Variants in AKR1B15 observed in about 807,000 individuals in gnomAD.
AKR1B15 encodes estradiol 17-beta-dehydrogenase AKR1B15.
A neutral mutation model predicts 38.5 loss-of-function variants in AKR1B15; 49 were observed. The ratio of observed to expected loss-of-function variants is 1.27; its 90% CI spans 1.01 to 1.62. The LOEUF (loss-of-function observed/expected upper bound fraction) is 1.62. Among genes scored for constraint, AKR1B15 ranks in the 40% most tolerant of loss-of-function variants. AKR1B15 has a pLI of 0.00. For missense variants in AKR1B15, 411 were observed against 381.6 expected (o/e 1.08, Z -0.64); for synonymous variants, 137 against 135.5 (o/e 1.01, Z -0.08).
At chr7:134,568,439 C>T (rs1335916622) in intron 4 of AKR1B15, 114 bp downstream of exon 4, 1 of 1,438,360 alleles carries the variant, frequency 7.0e-7, no homozygotes. Context: ...GTTTTCATCT[C>T]TGCCTTGATA....
chr7:134,577,013 TATGAC>T lies in AKR1B15; in HGVS notation c.878_882del (p.Met293ThrfsTer6). 2 of 1,613,964 alleles carry T rather than the reference TATGAC, an allele frequency of 1.2e-6. No homozygotes were observed. Among genetic ancestry groups the T allele is most frequent in the Non-Finnish European group, 1.7e-6 (2 of 1,179,846 alleles). ...GGAATGTGACAGTGATCCCCAAGTCTATGACACCAGCACACATTGTTGAGAACATT... is the reference window on the plus strand; with the variant it reads ...GGAATGTGACAGTGATCCCCAAGTCTACCAGCACACATTGTTGAGAACATT... On this transcript the variant is annotated frameshift_variant, in exon 10 of 12. Transcript: ENST00000457545. LOFTEE classifies it high-confidence loss of function.
At chr7:134,555,826 T>G (rs1794174129) in intron 1 of AKR1B15, among the ~76,000 whole-genome samples, 1 of 152,140 alleles carries the variant, frequency 6.6e-6, no homozygotes, top group Non-Finnish European at 1.5e-5. Context: ...GAGCGTTGAC[T>G]TTTACCTTTG....
chr7:134,562,868 TTCTTTC>T (rs1262738174), intron 2 of AKR1B15, among the ~76,000 whole-genome samples: 2 of 146,364 alleles, frequency 1.4e-5, no homozygotes, highest in Non-Finnish European at 3.0e-5. Context: ...CTTTCTTTCT[TTCTTTC>T]TTTCTTTCTT....
intron 1 of AKR1B15, among the ~76,000 whole-genome samples, chr7:134,552,846 A>T (rs972212062): frequency 6.6e-6 from 1 of 152,034 alleles, no homozygotes; most frequent in Admixed American, 6.5e-5. Context: ...GTTACCCCGA[A>T]GTTTTAAAAA....
intron 2 of AKR1B15, among the ~76,000 whole-genome samples, chr7:134,562,840 TTCTTTC>T (rs1794439665): frequency 2.1e-5 from 1 of 47,588 alleles, no homozygotes; most frequent in Non-Finnish European, 4.7e-5. Context: ...TTCTCTTTCT[TTCTTTC>T]TTTCTTTCTT....
chr7:134,579,366 A>G (rs1585819484), intron 11 of AKR1B15, 141 bp from the exon 12 acceptor site: 4 of 663,112 alleles, frequency 6.0e-6, no homozygotes, highest in Non-Finnish European at 9.8e-6. Context: ...GTCAAGGTGT[A>G]AGCACCCTTC....
chr7:134,564,959 C>T, intron 3 of AKR1B15, 190 bp downstream of exon 3: 1 of 407,444 alleles, frequency 2.5e-6, no homozygotes, highest in South Asian at 5.0e-5. Flanking sequence ...ATTGTAAATG[C>T]ACCAATCAGC....
intron 2 of AKR1B15, among the ~76,000 whole-genome samples, chr7:134,561,194 A>T (rs1369537398): frequency 6.6e-6 from 1 of 152,172 alleles, no homozygotes; most frequent in Non-Finnish European, 1.5e-5. Flanking sequence ...TGTGACCACC[A>T]GATTATGAGG....
intron 1 of AKR1B15, among the ~76,000 whole-genome samples, chr7:134,556,093 G>A (rs978997035): frequency 7.9e-5 from 12 of 152,188 alleles, no homozygotes; most frequent in Admixed American, 6.5e-4. Context: ...AGGATTTGAT[G>A]TTGGAACTAT....
intron 1 of AKR1B15, among the ~76,000 whole-genome samples, chr7:134,555,242 G>T (rs1794151872): frequency 6.6e-6 from 1 of 152,104 alleles, no homozygotes; most frequent in African/African-American, 2.4e-5. Flanking sequence ...CCCAGTTCCT[G>T]ACCAGACTGG....
chr7:134,561,913 C>T (rs1227397871), intron 2 of AKR1B15, among the ~76,000 whole-genome samples: 5 of 152,222 alleles, frequency 3.3e-5, no homozygotes, highest in African/African-American at 1.2e-4. Flanking sequence ...CACCTCTCCT[C>T]CCTAGACTCC....
rs1277892506 is a variant in AKR1B15, at chr7:134,556,859, G to A, written c.-23G>A. 1 of 152,134 alleles carries A rather than the reference G, an allele frequency of 6.6e-6. No homozygotes were observed. Among genetic ancestry groups the A allele is most frequent in the Non-Finnish European group, 1.5e-5 (1 of 68,044 alleles). The allele number at this position is 152,134 out of a possible 1,614,324, so 9.4% of individuals were successfully genotyped here. On this transcript the variant is annotated splice_region_variant and 5_prime_UTR_variant, in exon 2 of 12. Coordinates refer to ENST00000457545, the MANE Select transcript of AKR1B15 (RefSeq NM_001080538.3). ...CTGGACTAATATCACTATCTCAACA[G>A]GTAGATGCTGATTTAAGCAATCTCC...
intron 1 of AKR1B15, among the ~76,000 whole-genome samples, chr7:134,553,649 G>C (rs1322661667): frequency 6.6e-6 from 1 of 152,204 alleles, no homozygotes; most frequent in East Asian, 1.9e-4. Context: ...CTCGCATCTT[G>C]CGGTATCAGA....
Position 134,567,226 on chromosome 7 carries a change from G to C in AKR1B15, c.151-932G>C, listed in dbSNP as rs998916160. On this transcript the variant is annotated intron_variant, in intron 3 of 11. Coordinates refer to ENST00000457545, the MANE Select transcript of AKR1B15 (RefSeq NM_001080538.3). ...TAGAAGAGGTTTAAAAGACTATTTT[G>C]TGAGAGATCAAGTTTTAAGTGCTTT... is the stretch of plus-strand genomic sequence containing the variant. 9.2e-5 allele frequency among the ~76,000 whole-genome samples: 14 copies of C among 152,300 alleles called. No individual in the cohort carries two copies. In the South Asian group the frequency reaches 2.9e-3, roughly 32 times the overall value.
At chr7:134,553,740 C>CT (rs1299901964) in intron 1 of AKR1B15, among the ~76,000 whole-genome samples, 53 of 152,340 alleles carry the variant, frequency 3.5e-4, no homozygotes, top group African/African-American at 1.3e-3. Flanking sequence ...TGATCCAGAC[C>CT]TTACCACACC....
chr7:134,569,632 AT>A (rs1484393945), intron 5 of AKR1B15, 103 bp downstream of exon 5: 7 of 1,203,134 alleles, frequency 5.8e-6, no homozygotes, highest in Non-Finnish European at 8.3e-6. Flanking sequence ...AAGAACATAA[AT>A]TGTGAAGATT....
At chr7:134,549,952 C>T (rs1793909441) in intron 1 of AKR1B15, among the ~76,000 whole-genome samples, 2 of 152,152 alleles carry the variant, frequency 1.3e-5, no homozygotes, top group African/African-American at 4.8e-5. Context: ...CCTGCCTTTC[C>T]TGTCAGAAAC....
At chr7:134,550,945 G>T (rs931997092) in intron 1 of AKR1B15, among the ~76,000 whole-genome samples, 2 of 152,100 alleles carry the variant, frequency 1.3e-5, no homozygotes, top group African/African-American at 2.4e-5. Context: ...CGGTCACCCC[G>T]ATCAGTTTCC....
intron 3 of AKR1B15, among the ~76,000 whole-genome samples, chr7:134,567,036 T>C (rs986366542): frequency 2.6e-5 from 4 of 152,174 alleles, no homozygotes; most frequent in Admixed American, 2.6e-4. Context: ...GGATGATAGA[T>C]TAAAGGATTA....
Sources: allele counts gnomAD v4.1 joint callset (sites outside exome capture counted in the v4.1 genomes callset), GRCh38; gene constraint gnomAD v4.1.1; transcripts MANE v1.5; gene names NCBI Gene and HGNC (gene_info 2026-07-23, HGNC 2026-07-21).